Variants in BRD10 observed in about 807,000 individuals in gnomAD.
BRD10 encodes the protein bromodomain containing 10.
the BRD10 span, among the ~76,000 whole-genome samples, chr9:5,916,097 A>C: frequency 6.6e-6 from 1 of 152,234 alleles, no homozygotes; most frequent in Admixed American, 6.5e-5. Context: ...ATGCTTGCTG[A>C]ATAAATGTGT....
chr9:5,996,116 G>T, the BRD10 span, among the ~76,000 whole-genome samples: 13 of 152,078 alleles, frequency 8.5e-5, no homozygotes, highest in Admixed American at 4.6e-4. Context: ...TACTGATTTA[G>T]GAGCCCTTAG....
At chr9:5,947,106 C>A in the BRD10 span, among the ~76,000 whole-genome samples, 1 of 152,008 alleles carries the variant, frequency 6.6e-6, no homozygotes, top group South Asian at 2.1e-4. Flanking sequence ...AGTTCTGAAG[C>A]CAAACCACGA....
the BRD10 span, chr9:5,920,447 A>G: frequency 6.2e-7 from 1 of 1,614,024 alleles, no homozygotes; most frequent in Non-Finnish European, 8.5e-7. Context: ...AGCCGTGTGA[A>G]TGGTAGTGCC....
At chr9:5,920,665 A>G in the BRD10 span, 4 of 1,614,050 alleles carry the variant, frequency 2.5e-6, no homozygotes, top group Non-Finnish European at 3.4e-6. Context: ...GTCTTTTAGA[A>G]ATAGATACAG....
chr9:5,919,736 A>G, the BRD10 span: 9 of 1,613,232 alleles, frequency 5.6e-6, no homozygotes, highest in South Asian at 8.8e-5. Flanking sequence ...AAAAGCAGGG[A>G]AGACAGACGC....
the BRD10 span, among the ~76,000 whole-genome samples, chr9:5,926,975 T>C: frequency 6.6e-6 from 1 of 152,110 alleles, no homozygotes; most frequent in African/African-American, 2.4e-5. Flanking sequence ...TTTATGTAGG[T>C]TTTCAATTAT....
the BRD10 span, chr9:5,953,955 G>T: frequency 1.1e-6 from 1 of 892,838 alleles, no homozygotes; most frequent in African/African-American, 1.7e-5. Context: ...AACTCTCGAG[G>T]AATGATATGA....
the BRD10 span, chr9:5,968,358 T>C: frequency 2.5e-6 from 4 of 1,610,718 alleles, no homozygotes; most frequent in Non-Finnish European, 1.7e-6. Flanking sequence ...TCAATCTTTA[T>C]TCTGGAAGCT....
chr9:5,998,310 C>T, the BRD10 span, among the ~76,000 whole-genome samples: 12 of 152,046 alleles, frequency 7.9e-5, no homozygotes, highest in East Asian at 9.7e-4. Context: ...TAAACTATTA[C>T]GAATATAAAC....
chr9:5,972,475 G>A, the BRD10 span, among the ~76,000 whole-genome samples: 4 of 152,146 alleles, frequency 2.6e-5, no homozygotes, highest in East Asian at 1.9e-4. Flanking sequence ...TGCTGAAAGC[G>A]CAGCCCAGTT....
the BRD10 span, chr9:5,913,983 A>G: frequency 4.4e-6 from 2 of 452,220 alleles, no homozygotes; most frequent in South Asian, 3.2e-5. Flanking sequence ...ACTTTCTGCT[A>G]TCAAAACTTG....
the BRD10 span, among the ~76,000 whole-genome samples, chr9:5,935,186 T>C: frequency 6.6e-6 from 1 of 152,236 alleles, no homozygotes; most frequent in East Asian, 1.9e-4. Context: ...TTTCTCTTGA[T>C]ACTCTTACCA....
At chr9:5,976,501 C>T in the BRD10 span, among the ~76,000 whole-genome samples, 1 of 152,164 alleles carries the variant, frequency 6.6e-6, no homozygotes, top group African/African-American at 2.4e-5. Flanking sequence ...GCAGAGAAAA[C>T]TGATTTTGGT....
chr9:5,932,358 A>G, the BRD10 span, among the ~76,000 whole-genome samples: 1 of 152,166 alleles, frequency 6.6e-6, no homozygotes, highest in Non-Finnish European at 1.5e-5. Context: ...AAAATGGTCT[A>G]AAGTTATACA....
the BRD10 span, among the ~76,000 whole-genome samples, chr9:5,916,182 T>A: frequency 6.6e-6 from 1 of 152,222 alleles, no homozygotes; most frequent in Non-Finnish European, 1.5e-5. Context: ...AAACTACTTC[T>A]GGAATGACTT....
chr9:6,005,354 T>C, the BRD10 span, among the ~76,000 whole-genome samples: 6 of 150,694 alleles, frequency 4.0e-5, no homozygotes, highest in East Asian at 1.2e-3. Flanking sequence ...CTACCAAAAA[T>C]ACGAAGATTA....
the BRD10 span, among the ~76,000 whole-genome samples, chr9:5,962,600 A>G: frequency 4.3e-3 from 212 of 49,456 alleles, 2 homozygotes; most frequent in African/African-American, 0.016. Flanking sequence ...GCAGAGACAC[A>G]ACCAAAAAAG....
chr9:5,970,907 C>G, the BRD10 span, among the ~76,000 whole-genome samples: 1 of 151,764 alleles, frequency 6.6e-6, no homozygotes, highest in African/African-American at 2.4e-5. Flanking sequence ...CAAAAATTAG[C>G]TGGGCATGGT....
the BRD10 span, among the ~76,000 whole-genome samples, chr9:5,904,264 C>G: frequency 2.6e-5 from 4 of 152,204 alleles, no homozygotes; most frequent in African/African-American, 9.6e-5. Context: ...CTCTGACAAT[C>G]TGTCTTTTAA....
Sources: allele counts gnomAD v4.1 joint callset (sites outside exome capture counted in the v4.1 genomes callset), GRCh38; gene constraint gnomAD v4.1.1; transcripts MANE v1.5; gene names NCBI Gene and HGNC (gene_info 2026-07-23, HGNC 2026-07-21).